The following ARFGAP3 variants were observed in gnomAD, a reference collection of about 807,000 sequenced individuals.
ARFGAP3 encodes the protein ARF GTPase activating protein 3.
A neutral mutation model predicts 75.0 loss-of-function variants in ARFGAP3; 72 were observed. That is an observed-to-expected ratio of 0.96 (90% CI 0.79 to 1.17). ARFGAP3 has a LOEUF of 1.17. Among genes scored for constraint, ARFGAP3 ranks in the 50% most tolerant of loss-of-function variants. The pLI is 0.00. For synonymous variants in ARFGAP3, 221 were observed against 217.9 expected (o/e 1.01, Z -0.13); for missense variants, 620 against 626.6 (o/e 0.99, Z 0.11).
chr22:42,803,893 CCT>C (rs1924991733), intron 14 of ARFGAP3, among the ~76,000 whole-genome samples: 1 of 148,950 alleles, frequency 6.7e-6, no homozygotes, highest in African/African-American at 2.5e-5. Flanking sequence ...TTCCCTCCCT[CCT>C]TCCTCTTTTT....
chr22:42,801,546 G>A (rs111773696), intron 14 of ARFGAP3, among the ~76,000 whole-genome samples: 4 of 152,208 alleles, frequency 2.6e-5, no homozygotes, highest in Admixed American at 6.5e-5. Context: ...GGCAACATGC[G>A]CACAGCTCTT....
intron 11 of ARFGAP3, among the ~76,000 whole-genome samples, chr22:42,812,164 G>A (rs1925392645): frequency 1.4e-5 from 2 of 141,158 alleles, no homozygotes; most frequent in Non-Finnish European, 3.0e-5. Context: ...GGCCGAGACT[G>A]CAGTGAGCCA....
intron 7 of ARFGAP3, 131 bp downstream of exon 7, chr22:42,826,809 C>A: frequency 1.7e-6 from 1 of 602,378 alleles, no homozygotes; most frequent in South Asian, 2.8e-5. Flanking sequence ...TTAATAAAAT[C>A]TTATTAACAG....
intron 14 of ARFGAP3, among the ~76,000 whole-genome samples, chr22:42,805,539 T>G (rs541069198): frequency 6.6e-6 from 1 of 152,014 alleles, no homozygotes; most frequent in Non-Finnish European, 1.5e-5. Context: ...CAAAAGGAAG[T>G]TGCCCTGACA....
At chr22:42,839,567 C>T (rs1375609175) in intron 3 of ARFGAP3, among the ~76,000 whole-genome samples, 1 of 144,956 alleles carries the variant, frequency 6.9e-6, no homozygotes, top group Non-Finnish European at 1.5e-5. Flanking sequence ...CACTGCACTC[C>T]AGCCTGGGCA....
chr22:42,816,641 A>AGTTT lies in ARFGAP3; in HGVS notation c.1064+500_1064+501insAAAC, dbSNP rs542410867. 2.5e-3 allele frequency among the ~76,000 whole-genome samples: 379 copies of AGTTT among 152,344 alleles called. 1 individual carries two copies. The highest frequency in any genetic ancestry group is 4.4e-3 in the Non-Finnish European group (297 of 68,022). On this transcript the variant is annotated intron_variant, in intron 11 of 15. Transcript: ENST00000263245. ...AATAAGATAGTGAGTGCTGAAGGAG[A>AGTTT]GAAACCTAGGCTTTACTCTGGGGTC...
chr22:42,840,983 A>G lies in ARFGAP3; in HGVS notation c.222T>C (p.Phe74=). The stretch of plus-strand genomic sequence containing the variant: ...CTCCGACTTGCATGCATCGCAACTG[A>G]AACCATGACCAGTTGGAATCCAACT... ...STELDSNWSW[F]QLRCMQVGGN... Residue 74 remains phenylalanine (F), a synonymous_variant, in exon 3 of 16, where the codon TTT becomes TTC. Transcript: ENST00000263245. 6.2e-7 allele frequency: 1 copy of G among 1,614,214 alleles called. No individual in the cohort carries two copies. Among genetic ancestry groups the G allele is most frequent in the South Asian group, 1.1e-5 (1 of 91,074 alleles).
At position 42,822,326 on chromosome 22, in the gene ARFGAP3, C is replaced by T. The variant is rs145699759; in HGVS notation, c.756G>A (p.Ala252=). The change falls in exon 9 of 16, where the codon GCG becomes GCA. Residue 252 remains alanine (A), a synonymous_variant. Coordinates refer to ENST00000263245, the MANE Select transcript of ARFGAP3 (RefSeq NM_014570.5). The part of the protein sequence containing the change: ...FNEIEKQAQA[A]DKMKEQEDLA... Reference sequence around the variant, plus strand: ...GGTCTTCCTGCTCCTTCATTTTATCCGCAGCTTGAGCTTGTTTTTCAATTT... The same window carrying T: ...GGTCTTCCTGCTCCTTCATTTTATCTGCAGCTTGAGCTTGTTTTTCAATTT... The T allele has an allele frequency of 1.7e-4, 281 of 1,614,074 alleles. No individual in the cohort carries two copies. Among genetic ancestry groups the T allele is most frequent in the Non-Finnish European group, 2.2e-4 (256 of 1,180,008 alleles).
chr22:42,831,785 CTTTCT>C, intron 5 of ARFGAP3, 149 bp from the exon 6 acceptor site: 1 of 1,432,776 alleles, frequency 7.0e-7, no homozygotes, highest in Non-Finnish European at 9.2e-7. Context: ...TTTTTTCTTG[CTTTCT>C]TTTTTTTTTA....
At chr22:42,830,262 C>T (rs1926227073) in intron 6 of ARFGAP3, among the ~76,000 whole-genome samples, 1 of 81,962 alleles carries the variant, frequency 1.2e-5, no homozygotes, top group Non-Finnish European at 2.1e-5. Context: ...GGATCACAGG[C>T]GTGCACAACC....
chr22:42,802,269 C>G (rs1180512524), intron 14 of ARFGAP3, among the ~76,000 whole-genome samples: 4 of 151,464 alleles, frequency 2.6e-5, no homozygotes, highest in Non-Finnish European at 4.4e-5. Context: ...GGACAACTCC[C>G]AGGCTCCTCA....
intron 14 of ARFGAP3, among the ~76,000 whole-genome samples, chr22:42,800,255 C>A (rs13055840): frequency 6.6e-6 from 1 of 152,172 alleles, no homozygotes; most frequent in African/African-American, 2.4e-5. Flanking sequence ...ACCCACCAGA[C>A]GCAGTGGCTC....
intron 9 of ARFGAP3, 32 bp from the exon 10 acceptor site, chr22:42,817,889 G>C (rs775189397): frequency 5.9e-6 from 9 of 1,525,770 alleles, no homozygotes; most frequent in Non-Finnish European, 8.0e-6. Context: ...CCTTAATTTA[G>C]CTTTAATCCT....
chr22:42,851,061 G>C (rs531813389), intron 1 of ARFGAP3, among the ~76,000 whole-genome samples: 2 of 152,178 alleles, frequency 1.3e-5, no homozygotes, highest in Non-Finnish European at 2.9e-5. Flanking sequence ...GTTCTTCCCC[G>C]TCAGGCTGTG....
At position 42,856,657 on chromosome 22, in the gene ARFGAP3, C is replaced by G. The variant is rs943886251; in HGVS notation, c.69+457G>C. ...AAACTGAGGCAGGCACCGCAAGGCC[C>G]GAGGAGCCAAGCCGGCTCCAACAGG... On this transcript the variant is annotated intron_variant, in intron 1 of 15. Coordinates refer to ENST00000263245, the MANE Select transcript of ARFGAP3 (RefSeq NM_014570.5). Among the ~76,000 whole-genome samples, 29 of 152,274 alleles carry G rather than the reference C, an allele frequency of 1.9e-4. No individual in the cohort carries two copies. The East Asian group carries it at 5.4e-3, about 28-fold the overall frequency.
At chr22:42,831,313 G>A (rs1602114919) in intron 6 of ARFGAP3, among the ~76,000 whole-genome samples, 2 of 150,450 alleles carry the variant, frequency 1.3e-5, no homozygotes, top group African/African-American at 2.4e-5. Flanking sequence ...AGACAGAAGG[G>A]TCTACATTTT....
intron 14 of ARFGAP3, among the ~76,000 whole-genome samples, chr22:42,801,994 G>A (rs764378486): frequency 1.1e-4 from 16 of 152,154 alleles, no homozygotes; most frequent in Non-Finnish European, 2.1e-4. Context: ...GAGAAATGAG[G>A]CTGGAAAGGC....
chr22:42,846,895 A>C (rs1927044102), intron 2 of ARFGAP3, among the ~76,000 whole-genome samples: 1 of 152,232 alleles, frequency 6.6e-6, no homozygotes, highest in Non-Finnish European at 1.5e-5. Context: ...TATAAAGAAA[A>C]GAAGTTGATT....
intron 6 of ARFGAP3, among the ~76,000 whole-genome samples, chr22:42,828,090 G>A (rs1237096829): frequency 6.6e-6 from 1 of 151,926 alleles, no homozygotes; most frequent in Non-Finnish European, 1.5e-5. Flanking sequence ...TTTGAGACCA[G>A]CCTGACCAAC....
Sources: gnomAD v4.1 joint callset for allele counts (sites outside exome capture counted in the v4.1 genomes callset) on GRCh38, gnomAD v4.1.1 for gene constraint, MANE v1.5 for transcripts, NCBI Gene and HGNC (gene_info 2026-07-23, HGNC 2026-07-21) for gene names.